The following ZNF718 variants were observed in gnomAD, a reference collection of about 807,000 sequenced individuals.
ZNF718 encodes the protein zinc finger protein 718.
Under a neutral mutation model 2.6 loss-of-function variants are expected in ZNF718, and 3 were observed. The ratio of observed to expected loss-of-function variants is 1.16; its 90% CI spans 0.53 to 3.01. The LOEUF is 3.01. Ranked by LOEUF, ZNF718 falls within the 30% of genes most tolerant of loss-of-function variation. The probability of loss-of-function intolerance (pLI) is 0.03; values close to 1 mark genes in which losing one functional copy is unlikely to be tolerated. For missense variants in ZNF718, 468 were observed against 230.0 expected (o/e 2.03, Z -6.69); for synonymous variants, 135 against 77.9 (o/e 1.73, Z -3.86).
At chr4:166,090 A>G (rs1427479987), downstream of ZNF718, among the ~76,000 whole-genome samples, 2 of 152,100 alleles carry the variant, frequency 1.3e-5, no homozygotes, top group African/African-American at 4.8e-5. Context: ...TATGAGTGAG[A>G]ACGTGCAGTG....
At chr4:139,539 A>C (rs1375526460) in intron 3 of ZNF718, among the ~76,000 whole-genome samples, 1 of 152,234 alleles carries the variant, frequency 6.6e-6, no homozygotes, top group Non-Finnish European at 1.5e-5. Flanking sequence ...TAAACTCCCA[A>C]AAATTCTGTA....
At chr4:134,532 T>A (rs571106412) in intron 3 of ZNF718, among the ~76,000 whole-genome samples, 6 of 152,238 alleles carry the variant, frequency 3.9e-5, no homozygotes, top group Non-Finnish European at 7.3e-5. Context: ...ATTTTCACTT[T>A]GAATATATAG....
Position 127,458 on chromosome 4 carries a change from A to G in ZNF718, c.3+2785A>G, listed in dbSNP as rs1438210833. 3.9e-5 allele frequency among the ~76,000 whole-genome samples: 4 copies of G among 103,692 alleles called. 1 individual carries two copies. The highest frequency in any genetic ancestry group is 1.0e-4 in the Admixed American group (1 of 9,642). The allele number at this position is 103,692 out of a possible 152,430, so 68.0% of individuals were successfully genotyped here. A position where few individuals can be genotyped will look rare whatever the true frequency, so the allele number is the denominator to read the frequency against. On this transcript the variant is annotated intron_variant, in intron 1 of 3. Transcript: ENST00000510175. ...AGAGATCACGGGGCCCATAAACCCA[A>G]CCAGGATCATACATGTGCATTGATT...
intron 3 of ZNF718, among the ~76,000 whole-genome samples, chr4:134,284 C>G (rs905629174): frequency 1.3e-5 from 2 of 152,074 alleles, no homozygotes; most frequent in Non-Finnish European, 2.9e-5. Context: ...GTAGCTGGGA[C>G]TACAGGTGCC....
intron 3 of ZNF718, among the ~76,000 whole-genome samples, chr4:181,553 A>G (rs570553582): frequency 1.3e-5 from 2 of 152,228 alleles, no homozygotes; most frequent in East Asian, 3.9e-4. Context: ...TTCTGCTATT[A>G]AAATTTCTTG....
At chr4:195,691 C>T (rs530162004) in intron 3 of ZNF718, among the ~76,000 whole-genome samples, 3 of 152,050 alleles carry the variant, frequency 2.0e-5, no homozygotes, top group Non-Finnish European at 2.9e-5. Flanking sequence ...AAGCAGTTGC[C>T]GCTACAGATT....
At position 162,087 on chromosome 4, in the gene ZNF718, C is replaced by T. The variant is rs782243844; in HGVS notation, c.1402C>T (p.Gln468Ter). 5 of 766,912 alleles carry T rather than the reference C, an allele frequency of 6.5e-6. No individual in the cohort carries two copies. The highest frequency in any genetic ancestry group is 1.2e-5 in the Non-Finnish European group (5 of 412,224). The allele number at this position is 766,912 out of a possible 1,614,324, so 47.5% of individuals were successfully genotyped here. The change falls in exon 4 of 4, where the codon CAA (glutamine) becomes TAA (stop). Residue 468 changes from glutamine to a stop codon, truncating the protein, a stop_gained. Transcript: ENST00000510175. LOFTEE classifies it high-confidence loss of function. ...KAFKQYSNLP[Q>*]HKRTHTGGKF Reference sequence around the variant, plus strand: ...TTTTAAGCAGTACTCCAACCTTCCTCAACATAAGAGAACTCATACTGGAGG... The same window carrying T: ...TTTTAAGCAGTACTCCAACCTTCCTTAACATAAGAGAACTCATACTGGAGG...
At chr4:168,446 C>A (rs562850122), downstream of ZNF718, among the ~76,000 whole-genome samples, 1 of 152,092 alleles carries the variant, frequency 6.6e-6, no homozygotes, top group East Asian at 1.9e-4. Flanking sequence ...CTCCTTGTAC[C>A]TCTGGTAGAG....
At chr4:199,265 C>G (rs3935553) in intron 3 of ZNF718, among the ~76,000 whole-genome samples, 56,311 of 152,138 alleles carry the variant, frequency 0.37, 11,238 homozygotes, top group South Asian at 0.49. Context: ...CTGTACCCTT[C>G]ACATTCTGTG....
chr4:126,782 G>T (rs1204598158), intron 1 of ZNF718, among the ~76,000 whole-genome samples: 2 of 149,738 alleles, frequency 1.3e-5, no homozygotes, highest in Non-Finnish European at 3.0e-5. Flanking sequence ...TTTTCTTGCT[G>T]TTCTATTATG....
chr4:143,834 G>A (rs1324450728), intron 3 of ZNF718, among the ~76,000 whole-genome samples: 2 of 152,190 alleles, frequency 1.3e-5, no homozygotes, highest in Admixed American at 6.5e-5. Flanking sequence ...AGAACAGGGC[G>A]AGAGTACTGT....
intron 3 of ZNF718, among the ~76,000 whole-genome samples, chr4:174,085 G>T (rs2108811170): frequency 6.6e-6 from 1 of 152,192 alleles, no homozygotes; most frequent in East Asian, 1.9e-4. Flanking sequence ...AAGCTATTTA[G>T]ATAAATTCCT....
chr4:128,350 A>G (rs1715282769), intron 1 of ZNF718, among the ~76,000 whole-genome samples: 1 of 104,274 alleles, frequency 9.6e-6, no homozygotes. Flanking sequence ...TGATGGGAAC[A>G]GAATCCTGTG....
At chr4:196,005 C>T (rs1320403887) in intron 3 of ZNF718, among the ~76,000 whole-genome samples, 3 of 151,162 alleles carry the variant, frequency 2.0e-5, no homozygotes, top group Non-Finnish European at 4.4e-5. Flanking sequence ...GCTTCTCTTT[C>T]CTCTCTCTCT....
intron 3 of ZNF718, among the ~76,000 whole-genome samples, chr4:159,044 T>C (rs936782412): frequency 7.3e-5 from 11 of 150,898 alleles, no homozygotes; most frequent in Non-Finnish European, 1.2e-4. Flanking sequence ...TTTTTTCTTT[T>C]TTTTTTTTTT....
intron 3 of ZNF718, among the ~76,000 whole-genome samples, chr4:185,135 T>C (rs1348407865): frequency 2.6e-5 from 4 of 152,194 alleles, no homozygotes; most frequent in African/African-American, 9.7e-5. Flanking sequence ...AATATGGACA[T>C]CTAGTGCTGT....
chr4:143,787 C>G (rs1049148896), intron 3 of ZNF718, among the ~76,000 whole-genome samples: 14 of 152,114 alleles, frequency 9.2e-5, no homozygotes, highest in Admixed American at 2.6e-4. Context: ...GAAAACACAC[C>G]CCTGGCCATC....
At chr4:169,165 G>A (rs1553817508) in intron 3 of ZNF718, among the ~76,000 whole-genome samples, 1 of 152,182 alleles carries the variant, frequency 6.6e-6, no homozygotes, top group African/African-American at 2.4e-5. Flanking sequence ...GAGTGGTTTT[G>A]AGTAAGTTTC....
chr4:196,616 A>G (rs146276320), intron 3 of ZNF718, among the ~76,000 whole-genome samples: 78 of 151,826 alleles, frequency 5.1e-4, no homozygotes, highest in African/African-American at 1.8e-3. Context: ...TTGAGAAGAG[A>G]CTTCTGGCTG....
Sources: allele counts gnomAD v4.1 joint callset (sites outside exome capture counted in the v4.1 genomes callset), GRCh38; gene constraint gnomAD v4.1.1; transcripts MANE v1.5; gene names NCBI Gene and HGNC (gene_info 2026-07-23, HGNC 2026-07-21).